The following NREP variants were observed in gnomAD, a reference collection of about 807,000 sequenced individuals.
NREP encodes the protein neuronal regeneration-related protein.
A neutral mutation model predicts 8.6 loss-of-function variants in NREP; 5 were observed. The ratio of observed to expected loss-of-function variants is 0.58; its 90% CI spans 0.30 to 1.22. NREP has a LOEUF of 1.22. NREP is among the 50% of genes most tolerant of loss of function. NREP has a pLI of 0.07. For synonymous variants in NREP, 27 were observed against 28.0 expected, an observed-to-expected ratio of 0.96 and a Z score of 0.11; for missense variants, 86 against 82.5, an observed-to-expected ratio of 1.04 and a Z score of -0.17.
rs191071871 is a variant in NREP at position 111,906,313 on chromosome 5, A to T, written c.135+68961T>A. ...AGATCAATATTTTTATAGATTCACA[A>T]AGAAAAAAGATAAATTTTTTTTGGA... On this transcript the variant is annotated intron_variant, in intron 2 of 3. Coordinates refer to the NREP transcript ENST00000395634. Among the ~76,000 whole-genome samples, 295 of 135,028 alleles carry T rather than the reference A, an allele frequency of 2.2e-3. 1 individual carries two copies. Among genetic ancestry groups the T allele is most frequent in the African/African-American group, 7.0e-3 (283 of 40,650 alleles). The allele number at this position is 135,028 out of a possible 152,430, so 88.6% of individuals were successfully genotyped here.
chr5:111,928,587 T>C (rs573414659), intron 2 of NREP, among the ~76,000 whole-genome samples: 15 of 151,984 alleles, frequency 9.9e-5, no homozygotes, highest in Non-Finnish European at 1.9e-4. Flanking sequence ...TTGCCCCCTC[T>C]AATATTTTTC....
chr5:111,748,472 C>A (rs495647), intron 2 of NREP, among the ~76,000 whole-genome samples: 13,375 of 152,194 alleles, frequency 0.088, 682 homozygotes, highest in East Asian at 0.18. Context: ...TGACCACTGA[C>A]TCATTCATTT....
intron 2 of NREP, among the ~76,000 whole-genome samples, chr5:111,962,235 T>G (rs927514659): frequency 1.3e-5 from 2 of 152,090 alleles, no homozygotes; most frequent in African/African-American, 2.4e-5. Context: ...CCTGAGAAAA[T>G]GCCTTTATTC....
At position 111,813,296 on chromosome 5, in the gene NREP, A is replaced by T. The variant is rs10463621; in HGVS notation, c.136-77789T>A. Among the ~76,000 whole-genome samples the T allele has an allele frequency of 3.2e-3, 490 of 152,288 alleles. 18 individuals are homozygous for T. The East Asian group carries it at 0.087, about 27-fold the overall frequency. ...GGCATATATGATTAGAGCCACAAAAAAGTCTCCTTTTGTTGTTACAGTTTC... is the reference window on the plus strand; with the variant it reads ...GGCATATATGATTAGAGCCACAAAATAGTCTCCTTTTGTTGTTACAGTTTC... On this transcript the variant is annotated intron_variant, in intron 2 of 3. Coordinates refer to the NREP transcript ENST00000395634.
chr5:111,874,094 T>C (rs1753851157), intron 2 of NREP, among the ~76,000 whole-genome samples: 1 of 152,094 alleles, frequency 6.6e-6, no homozygotes, highest in South Asian at 2.1e-4. Flanking sequence ...CACATAATTA[T>C]CCACTTGCCC....
At chr5:111,784,872 A>G (rs1200694330) in intron 2 of NREP, among the ~76,000 whole-genome samples, 1 of 152,190 alleles carries the variant, frequency 6.6e-6, no homozygotes, top group Non-Finnish European at 1.5e-5. Context: ...TTTTATAAAG[A>G]AAGTATGATG....
chr5:111,941,658 TTTACATTTGATG>T (rs1489093813), intron 2 of NREP, among the ~76,000 whole-genome samples: 1 of 152,068 alleles, frequency 6.6e-6, no homozygotes, highest in East Asian at 1.9e-4. Context: ...TCCTAACACT[TTTACATTTGATG>T]AATGCAAGCC....
chr5:111,886,047 G>A lies in NREP; in HGVS notation c.135+89227C>T, dbSNP rs1754237268. On this transcript the variant is annotated intron_variant, in intron 2 of 3. Transcript: ENST00000395634. ...AGAGTGAACAGGCAGCCTCCAAAAT[G>A]GGAGAAAATTTTCGCAACCTACTCA... Among the ~76,000 whole-genome samples, 5 of 152,126 alleles carry A rather than the reference G, an allele frequency of 3.3e-5. No homozygotes were observed. The South Asian group carries it at 1.0e-3, about 32-fold the overall frequency.
intron 2 of NREP, among the ~76,000 whole-genome samples, chr5:111,856,838 T>C (rs1339510674): frequency 5.3e-5 from 8 of 152,120 alleles, no homozygotes; most frequent in Non-Finnish European, 1.5e-5. Flanking sequence ...AGCTTCCTTT[T>C]GACAAAAAGT....
At chr5:111,848,227 G>C (rs1192222353) in intron 2 of NREP, among the ~76,000 whole-genome samples, 1 of 152,102 alleles carries the variant, frequency 6.6e-6, no homozygotes, top group Non-Finnish European at 1.5e-5. Flanking sequence ...TTAAAAGTTA[G>C]TAAGTTCTTT....
intron 2 of NREP, among the ~76,000 whole-genome samples, chr5:111,845,256 T>A (rs1753132503): frequency 6.7e-6 from 1 of 149,212 alleles, no homozygotes; most frequent in South Asian, 2.1e-4. Context: ...GAAACTGTCC[T>A]TTCTACCTCA....
intron 2 of NREP, among the ~76,000 whole-genome samples, chr5:111,940,534 T>A (rs2112615257): frequency 6.6e-6 from 1 of 152,132 alleles, no homozygotes; most frequent in East Asian, 1.9e-4. Flanking sequence ...GGCAAAAACG[T>A]TGGAGAGAAG....
intron 2 of NREP, among the ~76,000 whole-genome samples, chr5:111,780,852 C>T (rs1191772758): frequency 2.0e-5 from 3 of 152,036 alleles, no homozygotes; most frequent in African/African-American, 7.2e-5. Flanking sequence ...GTGAAGTTGA[C>T]ACATTGCCAT....
intron 2 of NREP, among the ~76,000 whole-genome samples, chr5:111,832,382 ACATTAGCTGGGGGTGG>A: frequency 6.6e-6 from 1 of 151,942 alleles, no homozygotes. Flanking sequence ...CAACAACAAA[ACATTAGCTGGGGGTGG>A]CATGAGCCTG....
intron 2 of NREP, among the ~76,000 whole-genome samples, chr5:111,767,374 A>C (rs889310189): frequency 6.6e-6 from 1 of 152,184 alleles, no homozygotes; most frequent in African/African-American, 2.4e-5. Flanking sequence ...GTGGCTTTAC[A>C]ACGTAAACAG....
At chr5:111,868,236 A>G (rs1394103997) in intron 2 of NREP, among the ~76,000 whole-genome samples, 5 of 152,196 alleles carry the variant, frequency 3.3e-5, no homozygotes, top group Non-Finnish European at 5.9e-5. Flanking sequence ...GTGTTTTACC[A>G]AACAACTAAA....
chr5:111,902,140 T>C (rs770569117), intron 2 of NREP, among the ~76,000 whole-genome samples: 5 of 151,720 alleles, frequency 3.3e-5, no homozygotes, highest in Non-Finnish European at 5.9e-5. Context: ...CAGAAATTAA[T>C]CTATATATTT....
Position 111,735,432 on chromosome 5 carries a change from T to C in NREP, c.79A>G (p.Lys27Glu). The C allele has an allele frequency of 6.2e-6, 10 of 1,606,424 alleles. No individual in the cohort carries two copies. Among genetic ancestry groups the C allele is most frequent in the Non-Finnish European group, 8.5e-6 (10 of 1,173,384 alleles). The stretch of plus-strand genomic sequence containing the variant: ...AATATGGCATCTAAGGATCTTACCT[T>C]AGGAAGCCTTCCCTCCATGTCCTTG... Reference protein sequence around the residue: ...PNKDMEGRLPKGRLPVPKEVN... With the variant: ...PNKDMEGRLPEGRLPVPKEVN... The change falls in exon 3 of 4, where the codon AAG becomes GAG. Residue 27 changes from lysine (K) to glutamate (E), a missense_variant and splice_region_variant. By Grantham distance (56) the Lys-to-Glu change is moderately conservative. Coordinates refer to ENST00000257435, the MANE Select transcript of NREP (RefSeq NM_004772.4).
At chr5:111,955,098 T>C (rs1756271560) in intron 2 of NREP, among the ~76,000 whole-genome samples, 1 of 152,200 alleles carries the variant, frequency 6.6e-6, no homozygotes, top group Admixed American at 6.5e-5. Flanking sequence ...GTTGATATTC[T>C]CTTCTACTAT....
Sources: allele counts gnomAD v4.1 joint callset (sites outside exome capture counted in the v4.1 genomes callset), GRCh38; gene constraint gnomAD v4.1.1; transcripts MANE v1.5; gene names NCBI Gene and HGNC (gene_info 2026-07-23, HGNC 2026-07-21).